RSPH14: variants seen among roughly 807,000 people sequenced by gnomAD.
RSPH14 encodes the protein radial spoke head 14 homolog.
A neutral mutation model predicts 26.7 loss-of-function variants in RSPH14; 20 were observed. The observed-to-expected ratio is 0.75, with a 90% CI of 0.53 to 1.09. RSPH14 has a LOEUF of 1.09. Ranked by LOEUF, RSPH14 falls within the 50% of genes least tolerant of loss-of-function variation. The probability of loss-of-function intolerance (pLI) is 0.00; values close to 1 mark genes in which losing one functional copy is unlikely to be tolerated. For missense variants in RSPH14, 449 were observed against 457.2 expected (o/e 0.98, Z 0.16); for synonymous variants, 177 against 189.3 (o/e 0.93, Z 0.53).
intron 4 of RSPH14, among the ~76,000 whole-genome samples, chr22:23,129,759 C>T (rs2070263992): frequency 6.6e-6 from 1 of 150,764 alleles, no homozygotes; most frequent in African/African-American, 2.4e-5. Flanking sequence ...GTCTCTACTA[C>T]AAATACAAAA....
At chr22:23,088,853 C>G (rs974909061) in intron 4 of RSPH14, among the ~76,000 whole-genome samples, 1 of 152,180 alleles carries the variant, frequency 6.6e-6, no homozygotes, top group East Asian at 1.9e-4. Flanking sequence ...TGCCTGCCAC[C>G]TCTTGGGGTC....
chr22:23,064,978 T>C (rs965211753), intron 4 of RSPH14, among the ~76,000 whole-genome samples: 5 of 152,146 alleles, frequency 3.3e-5, no homozygotes, highest in African/African-American at 1.2e-4. Context: ...GCACAGGGAA[T>C]GTGCACAGTG....
chr22:23,173,620 TGG>T, the RSPH14 span, among the ~76,000 whole-genome samples: 1 of 137,340 alleles, frequency 7.3e-6, no homozygotes, highest in African/African-American at 2.8e-5. Context: ...TTTTTATTTT[TGG>T]TTTTTTGTTT....
chr22:23,153,540 A>G, the RSPH14 span: 1 of 984,358 alleles, frequency 1.0e-6, no homozygotes, highest in Non-Finnish European at 1.2e-6. Flanking sequence ...AAATGGGGTC[A>G]AATCCAGTCC....
the RSPH14 span, chr22:23,153,280 CT>C: frequency 1.3e-5 from 9 of 682,546 alleles, no homozygotes; most frequent in Non-Finnish European, 2.2e-5. Flanking sequence ...ACTTAGCTTC[CT>C]GGCTCCCAGA....
upstream of RSPH14, chr22:23,145,332 GC>G (rs757802962): frequency 3.9e-6 from 6 of 1,519,636 alleles, no homozygotes; most frequent in South Asian, 1.1e-5. Flanking sequence ...TCTGCTGCCA[GC>G]CCCGCCCAGA....
Position 23,061,810 on chromosome 22 carries a change from T to A in RSPH14, c.789A>T (p.Glu263Asp). The A allele has an allele frequency of 6.2e-7, 1 of 1,613,608 alleles. No homozygotes were observed. Among genetic ancestry groups the A allele is most frequent in the Non-Finnish European group, 8.5e-7 (1 of 1,179,854 alleles). ...CTGCGGCACCCCCCACCGCCTCACC[T>A]TCAGTGATCACTGTGGCGAACATCA... The part of the protein sequence containing the change: ...GALMFATVIT[E>D]GKYAALEAQA... Residue 263 changes from glutamate to aspartate, a missense_variant and splice_region_variant, in exon 6 of 7, where the codon GAA (glutamate) becomes GAT (aspartate). Glu to Asp is a conservative substitution (Grantham distance 45, BLOSUM62 2). Coordinates refer to ENST00000216036, the MANE Select transcript of RSPH14 (RefSeq NM_014433.3).
At chr22:23,141,888 G>A (rs1419621500) in intron 1 of RSPH14, 61 bp downstream of exon 1, 1 of 725,446 alleles carries the variant, frequency 1.4e-6, no homozygotes, top group East Asian at 1.3e-4. Context: ...GTGTGAATGG[G>A]ACTGGGTGGG....
chr22:23,113,568 T>C (rs571397966), intron 4 of RSPH14, among the ~76,000 whole-genome samples: 1 of 152,238 alleles, frequency 6.6e-6, no homozygotes, highest in Non-Finnish European at 1.5e-5. Context: ...GCTATTTCCT[T>C]TGCGACTGAT....
chr22:23,161,549 C>T, the RSPH14 span: 1 of 1,611,594 alleles, frequency 6.2e-7, no homozygotes, highest in Non-Finnish European at 8.5e-7. Context: ...GGCCCTCCAG[C>T]CTGGGCTGCT....
At chr22:23,086,249 G>A (rs1245386093) in intron 4 of RSPH14, among the ~76,000 whole-genome samples, 1 of 152,238 alleles carries the variant, frequency 6.6e-6, no homozygotes, top group Non-Finnish European at 1.5e-5. Flanking sequence ...GGCCCAGTTG[G>A]AGGGCTTGGT....
chr22:23,152,007 C>T, the RSPH14 span, among the ~76,000 whole-genome samples: 2 of 152,206 alleles, frequency 1.3e-5, no homozygotes, highest in Admixed American at 6.5e-5. Context: ...CGCACAGCCC[C>T]GGGGGTGCAT....
chr22:23,161,748 G>A, the RSPH14 span: 9 of 590,168 alleles, frequency 1.5e-5, no homozygotes, highest in Middle Eastern at 4.6e-4. Flanking sequence ...TCCGTTGCAG[G>A]TTGGGCACTA....
intron 4 of RSPH14, 43 bp from the exon 5 acceptor site, chr22:23,064,176 C>T (rs1234795111): frequency 6.4e-7 from 1 of 1,570,554 alleles, no homozygotes; most frequent in South Asian, 1.1e-5. Context: ...TGGCCACACA[C>T]CCACCCACCC....
chr22:23,125,892 G>A (rs1487511753), intron 4 of RSPH14, among the ~76,000 whole-genome samples: 1 of 151,952 alleles, frequency 6.6e-6, no homozygotes, highest in Non-Finnish European at 1.5e-5. Flanking sequence ...CTCAAGCAAA[G>A]TGGGGGGTCG....
At chr22:23,172,355 G>A in the RSPH14 span, among the ~76,000 whole-genome samples, 1 of 147,446 alleles carries the variant, frequency 6.8e-6, no homozygotes, top group East Asian at 2.0e-4. Flanking sequence ...GGTGGAGGTT[G>A]CTGTGAGCCA....
chr22:23,061,685 GTTT>G (rs371909389), intron 6 of RSPH14, 121 bp downstream of exon 6: 89 of 993,738 alleles, frequency 9.0e-5, no homozygotes, highest in Middle Eastern at 3.5e-4. Context: ...CCAAGGGGAG[GTTT>G]TTTTTTTTTT....
upstream of RSPH14, among the ~76,000 whole-genome samples, chr22:23,142,500 G>A (rs2146461190): frequency 6.6e-6 from 1 of 152,302 alleles, no homozygotes; most frequent in East Asian, 1.9e-4. Flanking sequence ...ATCACACCCA[G>A]CTAATTTTTG....
At chr22:23,065,939 T>G (rs9608071) in intron 4 of RSPH14, among the ~76,000 whole-genome samples, 120,703 of 151,712 alleles carry the variant, frequency 0.8, 48,470 homozygotes, top group East Asian at 0.96. Flanking sequence ...CCTCTCTCTC[T>G]CGCAGCTCCC....
Sources: allele counts gnomAD v4.1 joint callset (sites outside exome capture counted in the v4.1 genomes callset), GRCh38; gene constraint gnomAD v4.1.1; transcripts MANE v1.5; gene names NCBI Gene and HGNC (gene_info 2026-07-23, HGNC 2026-07-21).